The following SCRIB variants were observed in gnomAD, a reference collection of about 807,000 sequenced individuals.
SCRIB encodes the protein scribble planar cell polarity protein, also known as protein scribble homolog.
In SCRIB, 72 loss-of-function variants were observed where a neutral mutation model predicts 170.0. The ratio of observed to expected loss-of-function variants is 0.42; its 90% CI spans 0.35 to 0.52. SCRIB has a LOEUF of 0.52. Among genes scored for constraint, SCRIB ranks in the 20% least tolerant of loss-of-function variants. The pLI is 0.02. For synonymous variants in SCRIB, 1,298 were observed against 1,044.3 expected (o/e 1.24, Z -4.68); for missense variants, 2,475 against 2,338.5 (o/e 1.06, Z -1.20).
intron 16 of SCRIB, 56 bp downstream of exon 16, chr8:143,807,496 C>T (rs2130099463): frequency 2.1e-6 from 3 of 1,427,846 alleles, no homozygotes; most frequent in South Asian, 1.1e-5. Flanking sequence ...GAGCCCACAG[C>T]CCGGGAAGCA....
chr8:143,805,529 G>C, intron 18 of SCRIB, 94 bp from the exon 19 acceptor site: 1 of 1,277,720 alleles, frequency 7.8e-7, no homozygotes, highest in Non-Finnish European at 1.0e-6. Context: ...AGGATGGGGA[G>C]ACTGAGGCAC....
rs566093597 is a variant in SCRIB at position 143,808,568 on chromosome 8, C to T, written c.2115+41G>A. ...CGCAGCCCTGGGTGCCCAGGAGGGC[C>T]AGGGGAATCTGGGTCAGGCAGGGGT... On this transcript the variant is annotated intron_variant, in intron 15 of 36. Transcript: ENST00000356994. The T allele has an allele frequency of 7.6e-5, 114 of 1,494,210 alleles. 1 individual carries two copies. In the East Asian group the frequency reaches 2.4e-3, roughly 32 times the overall value. 92.6% of individuals were successfully genotyped at this position (1,494,210 alleles called of 1,614,324 possible).
Position 143,809,715 on chromosome 8 carries a change from T to C in SCRIB, c.1534A>G (p.Lys512Glu). The C allele has an allele frequency of 6.2e-7, 1 of 1,607,726 alleles. No homozygotes were observed. Among genetic ancestry groups the C allele is most frequent in the South Asian group, 1.1e-5 (1 of 91,046 alleles). ...SGSPLPAEEE[K>E]RLSAESGLSE... is the part of the protein sequence containing the mutation. ...AGGCCAGACTCGGCACTCAGCCGCT[T>C]CTCCTGCGGCGGGAAGTGGGGTCAG... Residue 512 changes from lysine to glutamate, a missense_variant, in exon 14 of 37, where the codon AAG (lysine) becomes GAG (glutamate). Coordinates refer to ENST00000356994, the MANE Select transcript of SCRIB (RefSeq NM_182706.5).
chr8:143,793,845 A>G (rs551346242), intron 28 of SCRIB, 55 bp downstream of exon 28: 1 of 1,573,448 alleles, frequency 6.4e-7, no homozygotes, highest in African/African-American at 1.3e-5. Context: ...CACAGCGGCC[A>G]TCTGCCCTGC....
At position 143,803,927 on chromosome 8, in the gene SCRIB, C is replaced by A; in HGVS notation, c.3134G>T (p.Gly1045Val). The A allele has an allele frequency of 6.3e-7, 1 of 1,582,794 alleles. No individual in the cohort carries two copies. Among genetic ancestry groups the A allele is most frequent in the Non-Finnish European group, 8.6e-7 (1 of 1,163,170 alleles). Residue 1045 changes from glycine to valine, a missense_variant, in exon 23 of 37, where the codon GGC (glycine) becomes GTC (valine). By Grantham distance (109) the Gly-to-Val change is moderately radical (BLOSUM62 -3). This residue lies in a region of SCRIB where 1,966 missense variants were observed against 1,742.9 expected (regional missense o/e 1.13). Transcript: ENST00000356994. ...CCGCAGGCCGCTGCGAGCGGCCAGG[C>A]CCCGCGGGAGCACCTGTCAGGGAGG... The part of the protein sequence containing the change: ...GVFISKVLPR[G>V]LAARSGLRVG...
At chr8:143,801,785 G>A (rs1397009357) in intron 24 of SCRIB, among the ~76,000 whole-genome samples, 5 of 152,186 alleles carry the variant, frequency 3.3e-5, no homozygotes, top group East Asian at 3.9e-4. Flanking sequence ...TGCCCGACGC[G>A]GCAGAAATGG....
chr8:143,808,361 C>T (rs1158598799), intron 15 of SCRIB, among the ~76,000 whole-genome samples: 1 of 148,878 alleles, frequency 6.7e-6, no homozygotes, highest in Non-Finnish European at 1.5e-5. Context: ...GGCCTGGGGT[C>T]CAAGCATGGA....
At chr8:143,791,969 C>CT in intron 33 of SCRIB, 22 bp downstream of exon 33, 1 of 1,488,156 alleles carries the variant, frequency 6.7e-7, no homozygotes, top group Admixed American at 2.4e-5. Context: ...CTGACCCCCC[C>CT]GACCTGCCCT....
chr8:143,808,633 G>A lies in SCRIB; in HGVS notation c.2091C>T (p.Ala697=), dbSNP rs1224197558. Residue 697 remains alanine, a synonymous_variant, in exon 15 of 37, where the codon GCC becomes GCT. Coordinates refer to ENST00000356994, the MANE Select transcript of SCRIB (RefSeq NM_182706.5). ...CCTTGACAGAGGGCGCAGAAACCAC[G>A]GCCCCCTCCTTGTCCTCCTCCTCAG... ...ASTEEEDKEG[A]VVSAPSVKGV... 8.6e-6 allele frequency: 13 copies of A among 1,511,046 alleles called. No homozygotes were observed. Among genetic ancestry groups the A allele is most frequent in the South Asian group, 1.3e-5 (1 of 74,192 alleles). 93.6% of individuals were successfully genotyped at this position (1,511,046 alleles called of 1,614,324 possible).
At chr8:143,806,579 A>C (rs1179258963) in intron 17 of SCRIB, 95 bp from the exon 18 acceptor site, 1 of 981,506 alleles carries the variant, frequency 1.0e-6, no homozygotes, top group Non-Finnish European at 1.6e-6. Context: ...ACCCACTCCC[A>C]GCAGCCCCTA....
At chr8:143,812,179 C>T in intron 9 of SCRIB, 87 bp downstream of exon 9, 1 of 897,078 alleles carries the variant, frequency 1.1e-6, no homozygotes, top group Non-Finnish European at 1.9e-6. Flanking sequence ...CACCAGCACC[C>T]CCCAGCAGCA....
chr8:143,809,290 G>A (rs956218331), intron 14 of SCRIB, among the ~76,000 whole-genome samples: 8 of 152,100 alleles, frequency 5.3e-5, no homozygotes, highest in Admixed American at 1.3e-4. Context: ...GGGGTCAGAA[G>A]AGAGTCCAGG....
At chr8:143,806,322 A>G in intron 18 of SCRIB, 85 bp downstream of exon 18, 2 of 1,078,936 alleles carry the variant, frequency 1.9e-6, no homozygotes, top group East Asian at 5.2e-5. Flanking sequence ...AGGCCGGGAG[A>G]AGGCAGCCAA....
intron 21 of SCRIB, among the ~76,000 whole-genome samples, 168 bp from the exon 22 acceptor site, chr8:143,804,324 G>A (rs1055493463): frequency 7.2e-5 from 11 of 152,270 alleles, no homozygotes; most frequent in African/African-American, 2.7e-4. Flanking sequence ...CAGGCACGCA[G>A]CGTGAGGACA....
In SCRIB at chr8:143,804,772, C is replaced by T. The variant is rs201738333; in HGVS notation, c.2805G>A (p.Leu935=). The change falls in exon 21 of 37, where the codon CTG becomes CTA. Residue 935 remains leucine, a synonymous_variant. Transcript: ENST00000356994. ...EARHDHAVSL[L]TAASPTIALL... is the part of the protein sequence containing the mutation. ...GGGCGATGGTGGGGGAGGCAGCGGT[C>T]AGCAGGGAGACGGCGTGGTCATGCC... The T allele has an allele frequency of 5.6e-6, 9 of 1,603,456 alleles. No individual in the cohort carries two copies. The highest frequency in any genetic ancestry group is 1.1e-5 in the South Asian group (1 of 89,988).
rs768123717 is a variant in SCRIB, at chr8:143,812,829, G to A, written c.775C>T (p.Pro259Ser). 6 of 1,600,266 alleles carry A rather than the reference G, an allele frequency of 3.7e-6. No homozygotes were observed. The Admixed American group carries it at 8.3e-5, about 22-fold the overall frequency. Residue 259 changes from proline to serine, a missense_variant, in exon 8 of 37, where the codon CCC (proline) becomes TCC (serine). Pro to Ser is a moderately conservative substitution (Grantham distance 74). Around this residue, in one of 3 missense-constraint regions of SCRIB, gnomAD observed 487 missense variants for 558.1 expected, o/e 0.87. Coordinates refer to ENST00000356994, the MANE Select transcript of SCRIB (RefSeq NM_182706.5). ...CAGGCACACTAACCGATGCCGTCGGGCAGCCTCCGCAGCAGGTTCTGGGAC... is the reference window on the plus strand; with the variant it reads ...CAGGCACACTAACCGATGCCGTCGGACAGCCTCCGCAGCAGGTTCTGGGAC... ...LLSQNLLRRLPDGIGQLKQLS... is the reference protein window; with the variant it reads ...LLSQNLLRRLSDGIGQLKQLS...
chr8:143,815,707 G>C lies in SCRIB; in HGVS notation c.-335C>G. The C allele has an allele frequency of 2.0e-6, 2 of 983,692 alleles. No homozygotes were observed. Among genetic ancestry groups the C allele is most frequent in the Non-Finnish European group, 2.4e-6 (2 of 829,306 alleles). The allele number at this position is 983,692 out of a possible 1,614,324, so 60.9% of individuals were successfully genotyped here. A position where few individuals can be genotyped will look rare whatever the true frequency, so the allele number is the denominator to read the frequency against. ...CCCGCTGTGCCGCACCGGAACCGCC[G>C]CTGCCCGCCGGACTGCCCCGCCGAC... On this transcript the variant is annotated 5_prime_UTR_variant, in exon 1 of 37. Transcript: ENST00000356994.
Position 143,815,592 on chromosome 8 carries a change from T to G in SCRIB, c.-220A>C. The G allele has an allele frequency of 1.0e-6, 1 of 979,760 alleles. No individual in the cohort carries two copies. The highest frequency in any genetic ancestry group is 1.2e-4 in the East Asian group (1 of 8,638). The allele number at this position is 979,760 out of a possible 1,614,324, so 60.7% of individuals were successfully genotyped here. A position where few individuals can be genotyped will look rare whatever the true frequency, so the allele number is the denominator to read the frequency against. On this transcript the variant is annotated 5_prime_UTR_variant, in exon 1 of 37. Transcript: ENST00000356994. ...TGGGCAGGGGGCGCGGCCCGGCGGG[T>G]CTCAGACTCTTAGGAAGCGCGGGGA...
chr8:143,791,830 C>CG lies in SCRIB; in HGVS notation c.4695+45_4695+46insC, dbSNP rs1206269132. ...GGGTGGGGGCAGGCCAGACCCCACC[C>CG]CCATGCCTCGGGGGTGAAGGGAAGG... is the stretch of plus-strand genomic sequence containing the variant. On this transcript the variant is annotated intron_variant, in intron 34 of 36. Transcript: ENST00000356994. 62 of 1,527,596 alleles carry CG rather than the reference C, an allele frequency of 4.1e-5. 1 individual carries two copies. Among genetic ancestry groups the CG allele is most frequent in the Middle Eastern group, 1.7e-4 (1 of 5,794 alleles). 94.6% of individuals were successfully genotyped at this position (1,527,596 alleles called of 1,614,324 possible).
Sources: allele counts gnomAD v4.1 joint callset (sites outside exome capture counted in the v4.1 genomes callset), GRCh38; gene constraint gnomAD v4.1.1; regional missense constraint gnomAD v4.1.1; transcripts MANE v1.5; gene names NCBI Gene and HGNC (gene_info 2026-07-23, HGNC 2026-07-21).